Variants in INVS observed in about 807,000 individuals in gnomAD.
The protein encoded by INVS is inversin.
Under a neutral mutation model 108.8 loss-of-function variants are expected in INVS, and 86 were observed. That is an observed-to-expected ratio of 0.79 (90% CI 0.66 to 0.95). The LOEUF (loss-of-function observed/expected upper bound fraction) is 0.95, where lower values mean the gene tolerates loss of function less well. Ranked by LOEUF, INVS falls within the 40% of genes least tolerant of loss-of-function variation. INVS has a pLI of 0.00. For missense variants in INVS, 1,169 were observed against 1,297.4 expected (o/e 0.90, Z 1.52); for synonymous variants, 455 against 473.5 (o/e 0.96, Z 0.51).
At chr9:100,132,935 T>A (rs896567546) in intron 3 of INVS, among the ~76,000 whole-genome samples, 3 of 152,100 alleles carry the variant, frequency 2.0e-5, no homozygotes, top group African/African-American at 7.2e-5. Flanking sequence ...TGAAACCCCA[T>A]CTCTACTAAA....
chr9:100,118,052 A>AT (rs1299233952), intron 2 of INVS, among the ~76,000 whole-genome samples: 1 of 148,060 alleles, frequency 6.8e-6, no homozygotes, highest in Non-Finnish European at 1.5e-5. Flanking sequence ...ACCAAGACAG[A>AT]TTTTTTCTTT....
intron 16 of INVS, among the ~76,000 whole-genome samples, chr9:100,300,311 G>A (rs1447957504): frequency 6.6e-6 from 1 of 152,218 alleles, no homozygotes; most frequent in Non-Finnish European, 1.5e-5. Flanking sequence ...CAGGCAGACT[G>A]AAGACCGAGG....
Position 100,273,053 on chromosome 9 carries a change from G to T in INVS, c.1761G>T (p.Gln587His). The T allele has an allele frequency of 6.2e-7, 1 of 1,614,004 alleles. No homozygotes were observed. Among genetic ancestry groups the T allele is most frequent in the Non-Finnish European group, 8.5e-7 (1 of 1,179,950 alleles). ...DRKNLLMKHE[Q>H]LRKDAAAKKR... Reference sequence around the variant, plus strand: ...AAAATCTCCTCATGAAGCATGAACAGTTGAGAAAAGATGCTGCTGCCAAGT... The same window carrying T: ...AAAATCTCCTCATGAAGCATGAACATTTGAGAAAAGATGCTGCTGCCAAGT... Residue 587 changes from glutamine (Q) to histidine (H), a missense_variant, in exon 12 of 17, where the codon CAG becomes CAT. Transcript: ENST00000262457.
intron 1 of INVS, among the ~76,000 whole-genome samples, chr9:100,103,940 G>A (rs963357608): frequency 2.6e-5 from 4 of 152,024 alleles, no homozygotes; most frequent in Middle Eastern, 3.4e-3. Flanking sequence ...TTTGTGGATC[G>A]GGCTCACTTT....
chr9:100,138,393 C>T (rs983399517), intron 3 of INVS, among the ~76,000 whole-genome samples: 2 of 151,724 alleles, frequency 1.3e-5, no homozygotes, highest in African/African-American at 4.8e-5. Context: ...GTGACAAGAG[C>T]GAAATTCCGT....
intron 3 of INVS, among the ~76,000 whole-genome samples, chr9:100,178,220 C>T (rs1391339410): frequency 6.6e-6 from 1 of 152,168 alleles, no homozygotes; most frequent in Non-Finnish European, 1.5e-5. Flanking sequence ...AACACCTCTT[C>T]TTCTGCAAAG....
intron 3 of INVS, among the ~76,000 whole-genome samples, chr9:100,161,731 A>G (rs1047954366): frequency 2.6e-5 from 4 of 152,132 alleles, no homozygotes; most frequent in Non-Finnish European, 5.9e-5. Flanking sequence ...ACTGAATTAC[A>G]TTATCTGGTC....
At chr9:100,257,799 CT>C (rs1489749326) in intron 10 of INVS, among the ~76,000 whole-genome samples, 12 of 152,206 alleles carry the variant, frequency 7.9e-5, no homozygotes, top group Non-Finnish European at 1.8e-4. Context: ...ATGGGCTTCC[CT>C]TTGTGGGTAA....
intron 3 of INVS, among the ~76,000 whole-genome samples, chr9:100,221,149 G>A (rs1004521702): frequency 6.6e-6 from 1 of 152,088 alleles, no homozygotes; most frequent in Non-Finnish European, 1.5e-5. Flanking sequence ...GGTCCAAAGG[G>A]TCACACAACC....
At chr9:100,167,048 T>A (rs1274157397) in intron 3 of INVS, among the ~76,000 whole-genome samples, 2 of 152,054 alleles carry the variant, frequency 1.3e-5, no homozygotes, top group Non-Finnish European at 2.9e-5. Flanking sequence ...CTGGCCAACA[T>A]GGCGAAACCC....
intron 3 of INVS, among the ~76,000 whole-genome samples, chr9:100,223,788 A>C (rs556996344): frequency 6.6e-6 from 1 of 152,286 alleles, no homozygotes; most frequent in Non-Finnish European, 1.5e-5. Context: ...CAGTCTACAG[A>C]TCCTCTTTCC....
chr9:100,167,012 C>G (rs2119028093), intron 3 of INVS, among the ~76,000 whole-genome samples: 1 of 152,242 alleles, frequency 6.6e-6, no homozygotes, highest in African/African-American at 2.4e-5. Context: ...AGGCAGATCA[C>G]TTGAGGTTAG....
intron 5 of INVS, among the ~76,000 whole-genome samples, chr9:100,232,253 C>A (rs887931185): frequency 6.6e-6 from 1 of 151,528 alleles, no homozygotes; most frequent in Non-Finnish European, 1.5e-5. Context: ...GGATATTAGC[C>A]CTTTGTCAGA....
intron 3 of INVS, among the ~76,000 whole-genome samples, chr9:100,217,444 A>T (rs994261484): frequency 1.3e-5 from 2 of 152,186 alleles, no homozygotes; most frequent in Admixed American, 6.5e-5. Context: ...CTGGCAGAAG[A>T]CACAAGACTC....
chr9:100,108,617 T>C (rs1827248746), intron 2 of INVS, among the ~76,000 whole-genome samples: 1 of 152,210 alleles, frequency 6.6e-6, no homozygotes, highest in South Asian at 2.1e-4. Flanking sequence ...AGTGACATAG[T>C]ACTACAGATG....
intron 11 of INVS, among the ~76,000 whole-genome samples, chr9:100,265,428 G>A (rs1051801876): frequency 2.6e-5 from 4 of 152,112 alleles, no homozygotes; most frequent in African/African-American, 9.7e-5. Flanking sequence ...TAGAATCATG[G>A]GATCTTATAG....
At chr9:100,198,440 C>T (rs1291937609) in intron 3 of INVS, among the ~76,000 whole-genome samples, 1 of 150,808 alleles carries the variant, frequency 6.6e-6, no homozygotes. Flanking sequence ...TACAGGCATG[C>T]ACCACCAGGT....
chr9:100,101,073 T>TAC (rs200604109), intron 1 of INVS, among the ~76,000 whole-genome samples: 4 of 121,112 alleles, frequency 3.3e-5, no homozygotes, highest in South Asian at 2.3e-4. Context: ...GTATAATATA[T>TAC]ACACACACAC....
intron 12 of INVS, among the ~76,000 whole-genome samples, chr9:100,282,386 G>A (rs1833306186): frequency 6.6e-6 from 1 of 152,022 alleles, no homozygotes; most frequent in Admixed American, 6.6e-5. Context: ...GAGTTAGCAC[G>A]ACCCATCTGG....
Sources: gnomAD v4.1 joint callset for allele counts (sites outside exome capture counted in the v4.1 genomes callset) on GRCh38, gnomAD v4.1.1 for gene constraint, MANE v1.5 for transcripts, NCBI Gene and HGNC (gene_info 2026-07-23, HGNC 2026-07-21) for gene names.